The following KLHL1 variants were observed in gnomAD, a reference collection of about 807,000 sequenced individuals.
KLHL1 encodes kelch-like protein 1.
KLHL1 carries 47 observed loss-of-function variants against 77.7 expected under a neutral mutation model. The ratio of observed to expected loss-of-function variants is 0.60; its 90% CI spans 0.48 to 0.77. KLHL1 has a LOEUF of 0.77. Among genes scored for constraint, KLHL1 ranks in the 30% least tolerant of loss-of-function variants. The probability of loss-of-function intolerance (pLI) is 0.00; values close to 1 mark genes in which losing one functional copy is unlikely to be tolerated. For synonymous variants in KLHL1, 360 were observed against 325.2 expected (o/e 1.11, Z -1.15); for missense variants, 925 against 910.8 (o/e 1.02, Z -0.20).
At chr13:70,039,204 G>T (rs1886313018) in intron 1 of KLHL1, among the ~76,000 whole-genome samples, 1 of 151,870 alleles carries the variant, frequency 6.6e-6, no homozygotes, top group Admixed American at 6.6e-5. Flanking sequence ...AAGCATCTGG[G>T]ACTACAGGTG....
rs578252068 is a variant in KLHL1, at chr13:70,086,116, C to T, written c.497+21087G>A. On this transcript the variant is annotated intron_variant, in intron 1 of 10. Transcript: ENST00000377844. ...AAATGTACCTACAGTGGAATCTCCA[C>T]ATACTGAGAGGCAGAAGTCTCTGTT... is the stretch of plus-strand genomic sequence containing the variant. Among the ~76,000 whole-genome samples the T allele has an allele frequency of 3.9e-5, 6 of 152,148 alleles. No homozygotes were observed. In the South Asian group the frequency reaches 1.2e-3, roughly 32 times the overall value.
At chr13:69,778,754 A>T (rs1368932179) in intron 7 of KLHL1, among the ~76,000 whole-genome samples, 1 of 149,398 alleles carries the variant, frequency 6.7e-6, no homozygotes, top group African/African-American at 2.5e-5. Flanking sequence ...TAGTGTTTAT[A>T]TCTACTGTAT....
chr13:69,708,538 C>T (rs1875734562), intron 9 of KLHL1, among the ~76,000 whole-genome samples: 1 of 151,848 alleles, frequency 6.6e-6, no homozygotes, highest in South Asian at 2.1e-4. Context: ...TGACATTGCT[C>T]AGGATTCACA....
At chr13:70,023,265 T>C (rs1386048009) in intron 1 of KLHL1, among the ~76,000 whole-genome samples, 1 of 152,012 alleles carries the variant, frequency 6.6e-6, no homozygotes, top group South Asian at 2.1e-4. Flanking sequence ...TTGTTGCATA[T>C]GTTTTATTGC....
intron 5 of KLHL1, among the ~76,000 whole-genome samples, chr13:69,854,923 A>G (rs921208748): frequency 5.3e-5 from 8 of 152,060 alleles, no homozygotes; most frequent in Admixed American, 2.0e-4. Flanking sequence ...AATGGTGCCA[A>G]CTGGAAATAT....
intron 7 of KLHL1, among the ~76,000 whole-genome samples, chr13:69,757,593 A>C (rs2137959130): frequency 6.6e-6 from 1 of 152,314 alleles, no homozygotes; most frequent in African/African-American, 2.4e-5. Flanking sequence ...ACTTAATTTT[A>C]GAATTTGAAA....
intron 7 of KLHL1, among the ~76,000 whole-genome samples, chr13:69,781,285 CTTTTTTTT>C (rs869083780): frequency 2.5e-5 from 3 of 119,708 alleles, no homozygotes; most frequent in African/African-American, 6.4e-5. Context: ...TTTTTTCTTT[CTTTTTTTT>C]TTTTTTTTTT....
At chr13:69,979,327 T>G (rs550443452) in intron 1 of KLHL1, among the ~76,000 whole-genome samples, 1 of 152,226 alleles carries the variant, frequency 6.6e-6, no homozygotes, top group African/African-American at 2.4e-5. Flanking sequence ...TGATTTTCTC[T>G]CACACATTTC....
intron 8 of KLHL1, among the ~76,000 whole-genome samples, chr13:69,738,619 G>A (rs765801061): frequency 6.6e-6 from 1 of 152,024 alleles, no homozygotes; most frequent in Non-Finnish European, 1.5e-5. Context: ...AGTATCAGTA[G>A]CTGGATAAGC....
chr13:69,763,546 A>G (rs951291841), intron 7 of KLHL1, among the ~76,000 whole-genome samples: 10 of 152,216 alleles, frequency 6.6e-5, no homozygotes, highest in African/African-American at 2.4e-4. Flanking sequence ...AAAAACTCAA[A>G]TAAATGTGTG....
At chr13:69,750,422 T>C (rs1294724755) in intron 7 of KLHL1, among the ~76,000 whole-genome samples, 2 of 151,678 alleles carry the variant, frequency 1.3e-5, no homozygotes, top group African/African-American at 4.8e-5. Flanking sequence ...AACTTGCATA[T>C]TAAGGAAAGA....
At position 69,882,409 on chromosome 13, in the gene KLHL1, G is replaced by T; in HGVS notation, c.1101C>A (p.Val367=). 6.2e-7 allele frequency: 1 copy of T among 1,613,650 alleles called. No homozygotes were observed. The highest frequency in any genetic ancestry group is 8.5e-7 in the Non-Finnish European group (1 of 1,179,612). Residue 367 remains valine (V), a synonymous_variant, in exon 5 of 11, where the codon GTC becomes GTA. Transcript: ENST00000377844. ...AGATGGTTTCTTCATCAGGAACATT[G>T]ACATCATCACTGGCCAGTAGTTTAT... ...ELHKLLASDD[V]NVPDEETIFH... is the part of the protein sequence containing the mutation.
chr13:69,923,991 G>T (rs1882729177), intron 4 of KLHL1, among the ~76,000 whole-genome samples: 2 of 152,218 alleles, frequency 1.3e-5, no homozygotes, highest in Admixed American at 1.3e-4. Flanking sequence ...CTCTGATCTT[G>T]GAACACAGTT....
intron 4 of KLHL1, among the ~76,000 whole-genome samples, chr13:69,934,964 A>ATATATATATATATATATATATATATG (rs1442138481): frequency 2.8e-5 from 1 of 35,308 alleles, no homozygotes; most frequent in South Asian, 8.3e-4. Context: ...GTGCATGTGT[A>ATATATATATATATATATATATATATG]TATATATATA....
At chr13:70,015,237 C>A (rs779473805) in intron 1 of KLHL1, among the ~76,000 whole-genome samples, 2 of 152,092 alleles carry the variant, frequency 1.3e-5, no homozygotes, top group African/African-American at 2.4e-5. Flanking sequence ...TAGCCTACTG[C>A]ACACCTAGAC....
chr13:69,736,607 C>A (rs151226618), intron 8 of KLHL1, among the ~76,000 whole-genome samples: 14 of 151,910 alleles, frequency 9.2e-5, no homozygotes, highest in African/African-American at 3.4e-4. Context: ...TATAGCAGCA[C>A]AATTTGCAAT....
intron 7 of KLHL1, among the ~76,000 whole-genome samples, chr13:69,787,394 A>G (rs986627225): frequency 6.6e-6 from 1 of 152,228 alleles, no homozygotes; most frequent in African/African-American, 2.4e-5. Context: ...AACCTGACAA[A>G]AACAAGCAAT....
intron 2 of KLHL1, among the ~76,000 whole-genome samples, chr13:69,964,278 G>T (rs188478837): frequency 6.6e-6 from 1 of 152,260 alleles, no homozygotes; most frequent in Admixed American, 6.5e-5. Context: ...CTGGCCTTGA[G>T]TAATCCTCCT....
chr13:69,966,875 G>A (rs1021939272), intron 2 of KLHL1, among the ~76,000 whole-genome samples: 4 of 152,046 alleles, frequency 2.6e-5, no homozygotes, highest in African/African-American at 7.2e-5. Context: ...TTGTCTTTCT[G>A]TGCCTGGCTT....
Sources: gnomAD v4.1 joint callset for allele counts (sites outside exome capture counted in the v4.1 genomes callset) on GRCh38, gnomAD v4.1.1 for gene constraint, MANE v1.5 for transcripts, NCBI Gene and HGNC (gene_info 2026-07-23, HGNC 2026-07-21) for gene names.